The following TXNL4A variants were observed in gnomAD, a reference collection of about 807,000 sequenced individuals.
TXNL4A encodes thioredoxin-like protein 4A.
In TXNL4A, 17 loss-of-function variants were observed where a neutral mutation model predicts 14.6. The observed-to-expected ratio is 1.16, with a 90% CI of 0.80 to 1.74. The LOEUF is 1.74. Ranked by LOEUF, TXNL4A falls within the 40% of genes most tolerant of loss-of-function variation. The pLI is 0.00. For missense variants in TXNL4A, 74 were observed against 195.2 expected (o/e 0.38, Z 3.70); for synonymous variants, 83 against 70.6 (o/e 1.18, Z -0.88).
At chr18:79,985,010 G>A (rs949110110) in intron 1 of TXNL4A, among the ~76,000 whole-genome samples, 1 of 152,086 alleles carries the variant, frequency 6.6e-6, no homozygotes, top group African/African-American at 2.4e-5. Flanking sequence ...CTGTGACGGC[G>A]TTCCCACAAA....
At chr18:80,015,168 G>A (rs1431579017) in intron 1 of TXNL4A, among the ~76,000 whole-genome samples, 1 of 150,878 alleles carries the variant, frequency 6.6e-6, no homozygotes, top group Non-Finnish European at 1.5e-5. Flanking sequence ...GTGCCCTGGA[G>A]ACATTTTCCC....
At chr18:80,010,852 G>A (rs1171125658) in intron 1 of TXNL4A, among the ~76,000 whole-genome samples, 2 of 152,146 alleles carry the variant, frequency 1.3e-5, no homozygotes, top group Non-Finnish European at 2.9e-5. Flanking sequence ...CTTGGGCCGG[G>A]GGCTCTCCAG....
intron 1 of TXNL4A, among the ~76,000 whole-genome samples, chr18:80,026,536 C>T (rs1349200348): frequency 6.6e-6 from 1 of 152,182 alleles, no homozygotes; most frequent in Non-Finnish European, 1.5e-5. Context: ...TGACAACTGC[C>T]TTTATTGACA....
At chr18:80,018,958 G>A (rs577001105) in intron 1 of TXNL4A, among the ~76,000 whole-genome samples, 62 of 152,280 alleles carry the variant, frequency 4.1e-4, no homozygotes, top group Admixed American at 1.5e-3. Flanking sequence ...ATCTTCATCT[G>A]AAATTACCTC....
intron 1 of TXNL4A, chr18:79,986,768 G>A: frequency 1.0e-6 from 1 of 985,448 alleles, no homozygotes. Context: ...GTAGAACAGT[G>A]AAAGATTCTA....
Position 79,982,927 on chromosome 18 carries a change from G to A in TXNL4A, c.154-5226C>T, listed in dbSNP as rs1455223087. On this transcript the variant is annotated intron_variant, in intron 1 of 2. Coordinates refer to ENST00000269601, the MANE Select transcript of TXNL4A (RefSeq NM_006701.5). The surrounding 1 kb of genome is among the most constrained non-coding windows in gnomAD (Gnocchi z 4.0). ...GGCGACATTTCCACGGTAACCAAGC[G>A]CTTGGAGGAGGAGCTGGGTGAGTGC... Among the ~76,000 whole-genome samples the A allele has an allele frequency of 1.3e-5, 2 of 152,130 alleles. No homozygotes were observed. The highest frequency in any genetic ancestry group is 2.9e-5 in the Non-Finnish European group (2 of 68,014).
At chr18:79,975,939 T>C (rs562051865) in intron 2 of TXNL4A, among the ~76,000 whole-genome samples, 1 of 152,148 alleles carries the variant, frequency 6.6e-6, no homozygotes, top group East Asian at 1.9e-4. Flanking sequence ...AATTCAGAAA[T>C]GGCTGCTGAA....
At chr18:80,019,092 A>T (rs1568380816) in intron 1 of TXNL4A, among the ~76,000 whole-genome samples, 1 of 152,030 alleles carries the variant, frequency 6.6e-6, no homozygotes, top group Admixed American at 6.6e-5. Flanking sequence ...AACTTTTCCA[A>T]TCTCTGCCTG....
At chr18:79,985,734 A>C (rs2051537037) in intron 1 of TXNL4A, 2 of 152,234 alleles carry the variant, frequency 1.3e-5, no homozygotes, top group Non-Finnish European at 1.5e-5. Context: ...GCAGCAAATC[A>C]ATACAACACA....
rs1205946581 is a variant in TXNL4A, at chr18:79,970,814, G to A, written c.*2871C>T. 2.9e-5 allele frequency: 6 copies of A among 209,572 alleles called. No individual in the cohort carries two copies. Among genetic ancestry groups the A allele is most frequent in the African/African-American group, 1.3e-4 (6 of 44,510 alleles). 13.0% of individuals were successfully genotyped at this position (209,572 alleles called of 1,614,324 possible). A position where few individuals can be genotyped will look rare whatever the true frequency, so the allele number is the denominator to read the frequency against. On this transcript the variant is annotated 3_prime_UTR_variant, in exon 3 of 3. Transcript: ENST00000269601. ...AAATATACAATAAACTTACAAATGT[G>A]GAATGTAATTATTTTATCTTTTTCT...
chr18:79,974,988 G>A (rs2051357168), intron 2 of TXNL4A, among the ~76,000 whole-genome samples: 1 of 152,138 alleles, frequency 6.6e-6, no homozygotes, highest in Non-Finnish European at 1.5e-5. Flanking sequence ...GTTCAGGAGA[G>A]GCAAATCTGA....
chr18:80,012,347 G>A (rs1242894740), intron 1 of TXNL4A, among the ~76,000 whole-genome samples: 2 of 152,186 alleles, frequency 1.3e-5, no homozygotes, highest in Non-Finnish European at 2.9e-5. Context: ...ATGTGTGAGA[G>A]AATGCACTTT....
At position 79,977,206 on chromosome 18, in the gene TXNL4A, C is replaced by T. The variant is rs187284388; in HGVS notation, c.257+392G>A. 1.1e-3 allele frequency: 287 copies of T among 272,694 alleles called. 1 individual carries two copies. Among genetic ancestry groups the T allele is most frequent in the East Asian group, 7.6e-3 (71 of 9,380 alleles). The allele number at this position is 272,694 out of a possible 1,614,324, so 16.9% of individuals were successfully genotyped here. On this transcript the variant is annotated intron_variant, in intron 2 of 2. Coordinates refer to ENST00000269601, the MANE Select transcript of TXNL4A (RefSeq NM_006701.5). ...ACTCCTGACCTTGTGATCCACCCAC[C>T]TCGGCCTCCCAAAGTGCTGGGATTA...
chr18:80,012,993 C>T (rs1193738866), intron 1 of TXNL4A, among the ~76,000 whole-genome samples: 2 of 150,746 alleles, frequency 1.3e-5, no homozygotes, highest in Admixed American at 1.3e-4. Context: ...GCTTCTGGGT[C>T]GGGGTTTCGT....
At chr18:79,974,466 A>G (rs1218413619) in intron 2 of TXNL4A, among the ~76,000 whole-genome samples, 1 of 152,190 alleles carries the variant, frequency 6.6e-6, no homozygotes, top group Non-Finnish European at 1.5e-5. Flanking sequence ...AAGGATATTA[A>G]CCCTTTGTTG....
At chr18:79,985,039 G>A (rs2051524261) in intron 1 of TXNL4A, among the ~76,000 whole-genome samples, 1 of 151,968 alleles carries the variant, frequency 6.6e-6, no homozygotes, top group Non-Finnish European at 1.5e-5. Flanking sequence ...ACAGCTCAAA[G>A]GTCCATGAAA....
chr18:79,977,852 C>G, intron 1 of TXNL4A, 151 bp from the exon 2 acceptor site: 1 of 617,492 alleles, frequency 1.6e-6, no homozygotes, highest in Non-Finnish European at 2.9e-6. Context: ...CTCTGTCATC[C>G]TAGAGTGCAA....
At chr18:80,007,358 T>C (rs552356502) in intron 1 of TXNL4A, among the ~76,000 whole-genome samples, 48 of 152,310 alleles carry the variant, frequency 3.2e-4, no homozygotes, top group Middle Eastern at 3.4e-3. Context: ...TATGAAAGGA[T>C]TGTGATTGAC....
In TXNL4A at chr18:79,971,457, A is replaced by T. The variant is rs1042467151; in HGVS notation, c.*2228T>A. 4 of 152,178 alleles carry T rather than the reference A, an allele frequency of 2.6e-5. No individual in the cohort carries two copies. The highest frequency in any genetic ancestry group is 9.7e-5 in the African/African-American group (4 of 41,386). 9.4% of individuals were successfully genotyped at this position (152,178 alleles called of 1,614,324 possible). A position where few individuals can be genotyped will look rare whatever the true frequency, so the allele number is the denominator to read the frequency against. On this transcript the variant is annotated 3_prime_UTR_variant, in exon 3 of 3. Transcript: ENST00000269601. Reference sequence around the variant, plus strand: ...ATCCTCCTGCCTCAGCCCGCCGAGTAGCTGGGCCCACAGGCACGCACCACC... The same window carrying T: ...ATCCTCCTGCCTCAGCCCGCCGAGTTGCTGGGCCCACAGGCACGCACCACC...
Sources: gnomAD v4.1 joint callset for allele counts (sites outside exome capture counted in the v4.1 genomes callset) on GRCh38, gnomAD v4.1.1 for gene constraint, Gnocchi (gnomAD v3.1) non-coding constraint, MANE v1.5 for transcripts, NCBI Gene and HGNC (gene_info 2026-07-23, HGNC 2026-07-21) for gene names.